ASPRV1: variants seen among roughly 807,000 people sequenced by gnomAD.
The protein encoded by ASPRV1 is retroviral-like aspartic protease 1.
Under a neutral mutation model 11.0 loss-of-function variants are expected in ASPRV1, and 7 were observed. The observed-to-expected ratio is 0.64, with a 90% CI of 0.36 to 1.20. The LOEUF is 1.20. ASPRV1 is among the 50% of genes most tolerant of loss of function. ASPRV1 has a pLI of 0.02. For synonymous variants in ASPRV1, 136 were observed against 138.4 expected, an observed-to-expected ratio of 0.98 and a Z score of 0.12; for missense variants, 299 against 320.0, an observed-to-expected ratio of 0.93 and a Z score of 0.50.
chr2:70,076,455 G>A, the ASPRV1 span, among the ~76,000 whole-genome samples: 4 of 152,158 alleles, frequency 2.6e-5, no homozygotes, highest in African/African-American at 9.7e-5. Context: ...CACTTTCTAT[G>A]TGCCAAGCAC....
chr2:70,040,764 G>T, the ASPRV1 span, among the ~76,000 whole-genome samples: 4 of 151,014 alleles, frequency 2.6e-5, no homozygotes, highest in Admixed American at 2.6e-4. Flanking sequence ...AACCCGGGAG[G>T]CAGAGGTTTC....
the ASPRV1 span, among the ~76,000 whole-genome samples, chr2:70,010,649 C>T: frequency 1.3e-5 from 2 of 152,136 alleles, no homozygotes; most frequent in African/African-American, 4.8e-5. Context: ...TTTCCAGTAA[C>T]GTTTTTCACC....
At chr2:69,953,435 C>A in the ASPRV1 span, among the ~76,000 whole-genome samples, 1 of 152,224 alleles carries the variant, frequency 6.6e-6, no homozygotes, top group African/African-American at 2.4e-5. Flanking sequence ...CCTCCTTGTG[C>A]CCGTGCATGG....
chr2:70,056,087 T>TCA, the ASPRV1 span: 1 of 152,032 alleles, frequency 6.6e-6, no homozygotes, highest in Non-Finnish European at 1.5e-5. Flanking sequence ...AATAAGCCCA[T>TCA]CACACACACA....
chr2:69,933,310 C>A, the ASPRV1 span, among the ~76,000 whole-genome samples: 1 of 150,544 alleles, frequency 6.6e-6, no homozygotes, highest in South Asian at 2.1e-4. Context: ...CATAGTGTTT[C>A]TAATAACATG....
At chr2:70,063,887 C>T in the ASPRV1 span, 1 of 152,320 alleles carries the variant, frequency 6.6e-6, no homozygotes, top group Non-Finnish European at 1.5e-5. Flanking sequence ...CCTGTTCCTT[C>T]TTACACTCTA....
chr2:70,080,972 T>C, the ASPRV1 span: 3 of 152,238 alleles, frequency 2.0e-5, no homozygotes, highest in Non-Finnish European at 2.9e-5. Flanking sequence ...GGGCTCCCTA[T>C]GTTGCCCGGG....
the ASPRV1 span, among the ~76,000 whole-genome samples, chr2:70,035,716 G>C: frequency 1.9e-4 from 29 of 150,836 alleles, 1 homozygote; most frequent in Admixed American, 1.7e-3. Context: ...AATCCCATAA[G>C]TATGACTGCC....
chr2:70,058,590 T>C, the ASPRV1 span, among the ~76,000 whole-genome samples: 12 of 149,534 alleles, frequency 8.0e-5, no homozygotes, highest in African/African-American at 3.0e-4. Flanking sequence ...CTCGCTCTTG[T>C]ACCCCAGGCT....
chr2:70,024,456 C>A, the ASPRV1 span, among the ~76,000 whole-genome samples: 1 of 152,112 alleles, frequency 6.6e-6, no homozygotes, highest in Non-Finnish European at 1.5e-5. Flanking sequence ...CAGAGAGGGG[C>A]CGGTACTGCC....
At chr2:69,958,086 T>TC (rs1393184597), downstream of ASPRV1, among the ~76,000 whole-genome samples, 30 of 152,242 alleles carry the variant, frequency 2.0e-4, no homozygotes, top group African/African-American at 7.0e-4. Flanking sequence ...ACCCACTTTT[T>TC]CTGGCTTCTC....
chr2:70,068,732 G>A, the ASPRV1 span, among the ~76,000 whole-genome samples: 1 of 150,922 alleles, frequency 6.6e-6, no homozygotes, highest in Non-Finnish European at 1.5e-5. Flanking sequence ...TCGGGAGTTC[G>A]AGACCAGCCT....
chr2:69,996,545 G>A, the ASPRV1 span: 3 of 379,390 alleles, frequency 7.9e-6, no homozygotes, highest in African/African-American at 4.2e-5. Flanking sequence ...AAATTCTAGT[G>A]GGCAGTGATG....
upstream of ASPRV1, chr2:69,962,890 G>A (rs1396638078): frequency 4.9e-6 from 1 of 202,080 alleles, no homozygotes; most frequent in Non-Finnish European, 1.0e-5. Context: ...CTGGGACCCA[G>A]GGGCTCTTTG....
At chr2:69,998,100 T>C in the ASPRV1 span, 1 of 151,640 alleles carries the variant, frequency 6.6e-6, no homozygotes, top group Non-Finnish European at 1.5e-5. Context: ...GAAATTCATA[T>C]GTGGCTCCCC....
the ASPRV1 span, among the ~76,000 whole-genome samples, chr2:70,048,330 G>T: frequency 6.6e-6 from 1 of 151,350 alleles, no homozygotes; most frequent in African/African-American, 2.4e-5. Context: ...CAGGAGAATG[G>T]CGTGAACCCA....
At chr2:70,027,259 C>CAAA in the ASPRV1 span, among the ~76,000 whole-genome samples, 316 of 49,392 alleles carry the variant, frequency 6.4e-3, 6 homozygotes, top group African/African-American at 8.0e-3. Context: ...CCCTGTCTCT[C>CAAA]AAAAAAAAAA....
chr2:70,012,229 A>C, the ASPRV1 span: 1 of 149,132 alleles, frequency 6.7e-6, no homozygotes, highest in Non-Finnish European at 1.5e-5. Flanking sequence ...ATCTCGGCTC[A>C]CTGCAAGCTC....
chr2:69,950,650 T>C, the ASPRV1 span, among the ~76,000 whole-genome samples: 2 of 151,976 alleles, frequency 1.3e-5, no homozygotes, highest in South Asian at 2.1e-4. Flanking sequence ...CAGACCAGCC[T>C]GGCCAACATG....
Sources: gnomAD v4.1 joint callset for allele counts (sites outside exome capture counted in the v4.1 genomes callset) on GRCh38, gnomAD v4.1.1 for gene constraint, MANE v1.5 for transcripts, NCBI Gene and HGNC (gene_info 2026-07-23, HGNC 2026-07-21) for gene names.